The following PXDN variants were observed in gnomAD, a reference collection of about 807,000 sequenced individuals.
PXDN encodes the protein peroxidasin homolog.
PXDN carries 77 observed loss-of-function variants against 140.3 expected under a neutral mutation model. That is an observed-to-expected ratio of 0.55 (90% CI 0.46 to 0.66). PXDN has a LOEUF of 0.66. Among genes scored for constraint, PXDN ranks in the 30% least tolerant of loss-of-function variants. The pLI is 0.00. For missense variants in PXDN, 1,838 were observed against 2,039.5 expected, an observed-to-expected ratio of 0.90 and a Z score of 1.90; for synonymous variants, 911 against 857.4, an observed-to-expected ratio of 1.06 and a Z score of -1.09.
intron 12 of PXDN, among the ~76,000 whole-genome samples, 182 bp from the exon 13 acceptor site, chr2:1,662,366 G>C (rs958316018): frequency 1.3e-5 from 2 of 152,234 alleles, no homozygotes; most frequent in African/African-American, 2.4e-5. Context: ...GAGCCTGAAA[G>C]ATCCCAGGGA....
intron 13 of PXDN, 46 bp from the exon 14 acceptor site, chr2:1,661,083 A>G: frequency 6.2e-7 from 1 of 1,607,498 alleles, no homozygotes; most frequent in East Asian, 2.2e-5. Flanking sequence ...AAGACTAAGA[A>G]GCAGAAGTTA....
rs564540143 is a variant in PXDN, at chr2:1,663,140, T to A, written c.1567+465A>T. Among the ~76,000 whole-genome samples, 3 of 152,150 alleles carry A rather than the reference T, an allele frequency of 2.0e-5. No homozygotes were observed. The South Asian group carries it at 6.2e-4, about 32-fold the overall frequency. On this transcript the variant is annotated intron_variant, in intron 12 of 22. Transcript: ENST00000252804. ...AAGGCGACATCCAAAAAGAACAAGATGAAGACCAGGGTCCAAGGATGAGCG... is the reference window on the plus strand; with the variant it reads ...AAGGCGACATCCAAAAAGAACAAGAAGAAGACCAGGGTCCAAGGATGAGCG...
chr2:1,646,952 G>A (rs543604567), intron 17 of PXDN, among the ~76,000 whole-genome samples: 9 of 152,146 alleles, frequency 5.9e-5, no homozygotes, highest in African/African-American at 1.9e-4. Flanking sequence ...CTGGAGTGCA[G>A]TAGCGTGATC....
chr2:1,719,568 C>T (rs1684969468), intron 1 of PXDN, among the ~76,000 whole-genome samples: 2 of 152,230 alleles, frequency 1.3e-5, no homozygotes, highest in Non-Finnish European at 2.9e-5. Context: ...TCTGGATTCT[C>T]ACCACAGTCC....
At chr2:1,742,945 A>AT (rs971450125) in intron 1 of PXDN, among the ~76,000 whole-genome samples, 20 of 152,142 alleles carry the variant, frequency 1.3e-4, no homozygotes, top group African/African-American at 4.3e-4. Context: ...TGTTCACTCA[A>AT]TTTTTTTACA....
intron 1 of PXDN, 88 bp from the exon 2 acceptor site, chr2:1,693,222 A>G (rs1311823598): frequency 1.8e-6 from 2 of 1,098,754 alleles, no homozygotes; most frequent in African/African-American, 3.2e-5. Context: ...CAAAATGGTG[A>G]CAATGCATTT....
At position 1,651,424 on chromosome 2, in the gene PXDN, C is replaced by T. The variant is rs2125413528; in HGVS notation, c.2105-1749G>A. 6.6e-6 allele frequency among the ~76,000 whole-genome samples: 1 copy of T among 152,328 alleles called. No individual in the cohort carries two copies. The highest frequency in any genetic ancestry group is 2.1e-4 in the South Asian group (1 of 4,824). ...GTCCTCACCCCATGCAGAGTGGTCA[C>T]CCAGCCCGATGCTTGAAAATGCATC... On this transcript the variant is annotated intron_variant, in intron 16 of 22. Coordinates refer to ENST00000252804, the MANE Select transcript of PXDN (RefSeq NM_012293.3). The surrounding 1 kb of genome is among the most constrained non-coding windows in gnomAD (Gnocchi z 4.4).
intron 1 of PXDN, among the ~76,000 whole-genome samples, chr2:1,726,768 T>G (rs1345041199): frequency 6.6e-6 from 1 of 152,208 alleles, no homozygotes; most frequent in African/African-American, 2.4e-5. Context: ...TCTTGTTGAT[T>G]ATTTCCTTGG....
At chr2:1,704,840 T>C (rs1264339470) in intron 1 of PXDN, among the ~76,000 whole-genome samples, 1 of 152,086 alleles carries the variant, frequency 6.6e-6, no homozygotes, top group East Asian at 1.9e-4. Context: ...CTTGAGCAGT[T>C]CCCAGCTTGA....
chr2:1,675,186 C>T (rs377349055), intron 8 of PXDN, among the ~76,000 whole-genome samples: 9 of 152,196 alleles, frequency 5.9e-5, no homozygotes, highest in Admixed American at 1.3e-4. Context: ...AGAAACACGG[C>T]GAGCCAGCAG....
intron 9 of PXDN, chr2:1,671,964 G>C (rs1335372987): frequency 6.6e-6 from 1 of 152,208 alleles, no homozygotes; most frequent in Non-Finnish European, 1.5e-5. Context: ...GCTGTCATGT[G>C]GTCATAAGAT....
At chr2:1,734,867 C>CAATA (rs954136189) in intron 1 of PXDN, among the ~76,000 whole-genome samples, 8 of 152,050 alleles carry the variant, frequency 5.3e-5, no homozygotes, top group Non-Finnish European at 8.8e-5. Context: ...CTCCATCTCT[C>CAATA]AATAAATAAA....
rs1421930003 is a variant in PXDN at position 1,673,777 on chromosome 2, T to A, written c.884A>T (p.Asn295Ile). 2 of 1,613,858 alleles carry A rather than the reference T, an allele frequency of 1.2e-6. No individual in the cohort carries two copies. Among genetic ancestry groups the A allele is most frequent in the Admixed American group, 3.3e-5 (2 of 59,998 alleles). The part of the protein sequence containing the change: ...ELSMKTDSRL[N>I]LLDDGTLMIQ... ...CATCAGGGTCCCATCGTCCAGCAAG[T>A]TTAGGCGGGAATCTGTCTTCATGCT... Residue 295 changes from asparagine (N) to isoleucine (I), a missense_variant, in exon 9 of 23, where the codon AAC (asparagine) becomes ATC (isoleucine). Physicochemically the swap from Asn to Ile is moderately radical, Grantham distance 149. Coordinates refer to ENST00000252804, the MANE Select transcript of PXDN (RefSeq NM_012293.3).
chr2:1,741,722 G>C (rs1685549731), intron 1 of PXDN, among the ~76,000 whole-genome samples: 1 of 152,000 alleles, frequency 6.6e-6, no homozygotes. Context: ...ACTAACTTTG[G>C]GGCAGGTTTT....
At chr2:1,637,236 C>A (rs1682582997) in intron 21 of PXDN, among the ~76,000 whole-genome samples, 1 of 152,184 alleles carries the variant, frequency 6.6e-6, no homozygotes, top group South Asian at 2.1e-4. Context: ...CCCTAGGGCA[C>A]CCAGGCCCCA....
At chr2:1,634,378 G>A in intron 22 of PXDN, 55 bp from the exon 23 acceptor site, 1 of 1,521,698 alleles carries the variant, frequency 6.6e-7, no homozygotes, top group Non-Finnish European at 8.9e-7. Flanking sequence ...CTTCAGGTGA[G>A]CAAAGCCTGT....
At chr2:1,668,976 A>G (rs960511134) in intron 9 of PXDN, among the ~76,000 whole-genome samples, 6 of 152,194 alleles carry the variant, frequency 3.9e-5, no homozygotes, top group Non-Finnish European at 7.3e-5. Flanking sequence ...TATAAGTCAT[A>G]CTACTATAAA....
intron 6 of PXDN, 138 bp downstream of exon 6, chr2:1,683,518 C>T: frequency 4.9e-6 from 4 of 808,972 alleles, no homozygotes; most frequent in Non-Finnish European, 7.6e-6. Context: ...GGATTCAATC[C>T]ACCCTCCATA....
intron 1 of PXDN, among the ~76,000 whole-genome samples, chr2:1,706,170 G>T (rs1684601643): frequency 6.6e-6 from 1 of 152,194 alleles, no homozygotes; most frequent in Admixed American, 6.5e-5. Flanking sequence ...TTCAGTGAGA[G>T]TTAGGAGCTC....
Sources: allele counts gnomAD v4.1 joint callset (sites outside exome capture counted in the v4.1 genomes callset), GRCh38; gene constraint gnomAD v4.1.1; non-coding constraint Gnocchi (gnomAD v3.1); transcripts MANE v1.5; gene names NCBI Gene and HGNC (gene_info 2026-07-23, HGNC 2026-07-21).